The following PTPRD variants were observed in gnomAD, a reference collection of about 807,000 sequenced individuals.
PTPRD encodes the protein protein tyrosine phosphatase receptor type D, also known as receptor-type tyrosine-protein phosphatase delta.
PTPRD carries 34 observed loss-of-function variants against 214.5 expected under a neutral mutation model. The observed-to-expected ratio is 0.16, with a 90% CI of 0.12 to 0.21. The LOEUF (loss-of-function observed/expected upper bound fraction) is 0.21. PTPRD is among the 10% of genes least tolerant of loss of function. The probability of loss-of-function intolerance (pLI) is 1.00; values close to 1 mark genes in which losing one functional copy is unlikely to be tolerated. For synonymous variants in PTPRD, 1,128 were observed against 845.7 expected (o/e 1.33, Z -5.79); for missense variants, 2,545 against 2,398.7 (o/e 1.06, Z -1.27).
At chr9:8,358,964 C>A (rs1263087870) in intron 39 of PTPRD, among the ~76,000 whole-genome samples, 7 of 149,928 alleles carry the variant, frequency 4.7e-5, no homozygotes, top group Admixed American at 2.0e-4. Flanking sequence ...AAAAATTAGC[C>A]GGGCGTGGTG....
At chr9:9,656,689 G>A (rs958005217) in intron 7 of PTPRD, among the ~76,000 whole-genome samples, 5 of 152,084 alleles carry the variant, frequency 3.3e-5, no homozygotes, top group African/African-American at 1.2e-4. Flanking sequence ...ATACTATAAT[G>A]GTGGATACAT....
intron 4 of PTPRD, among the ~76,000 whole-genome samples, chr9:9,972,483 T>C (rs1322371404): frequency 6.6e-6 from 1 of 152,212 alleles, no homozygotes; most frequent in African/African-American, 2.4e-5. Context: ...TTTCATTCAC[T>C]CCCTTCATAT....
intron 9 of PTPRD, among the ~76,000 whole-genome samples, chr9:9,313,781 A>G (rs771236133): frequency 6.6e-6 from 1 of 152,182 alleles, no homozygotes; most frequent in Non-Finnish European, 1.5e-5. Context: ...ATGGTTCTTC[A>G]GCTAATCAAT....
intron 11 of PTPRD, among the ~76,000 whole-genome samples, chr9:8,980,882 G>A (rs1297196753): frequency 6.6e-6 from 1 of 152,002 alleles, no homozygotes; most frequent in Non-Finnish European, 1.5e-5. Flanking sequence ...GACCATGAAC[G>A]GATAACATAT....
chr9:9,294,590 T>C (rs1952359826), intron 9 of PTPRD, among the ~76,000 whole-genome samples: 1 of 151,692 alleles, frequency 6.6e-6, no homozygotes, highest in South Asian at 2.1e-4. Flanking sequence ...GAGCGCTCTG[T>C]GTGCTATTTC....
intron 2 of PTPRD, among the ~76,000 whole-genome samples, chr9:10,480,059 AATAAATAGGTCTCAT>A (rs1487548504): frequency 6.6e-6 from 1 of 152,216 alleles, no homozygotes; most frequent in Non-Finnish European, 1.5e-5. Context: ...AGTATACTCC[AATAAATAGGTCTCAT>A]AAGCTAATGG....
Position 9,207,835 on chromosome 9 carries a change from A to G in PTPRD, c.-202-24472T>C, listed in dbSNP as rs529190949. ...TCCATCAATGGCAGGTTGGTTGAATAAATCACGGTGCATCCATATAATAGA... is the reference window on the plus strand; with the variant it reads ...TCCATCAATGGCAGGTTGGTTGAATGAATCACGGTGCATCCATATAATAGA... On this transcript the variant is annotated intron_variant, in intron 9 of 45. Coordinates refer to ENST00000381196, the MANE Select transcript of PTPRD (RefSeq NM_002839.4). 2.0e-5 allele frequency among the ~76,000 whole-genome samples: 3 copies of G among 152,156 alleles called. No homozygotes were observed. The South Asian group carries it at 6.2e-4, about 32-fold the overall frequency.
At chr9:10,047,838 T>C (rs781014221) in intron 3 of PTPRD, among the ~76,000 whole-genome samples, 1 of 152,124 alleles carries the variant, frequency 6.6e-6, no homozygotes, top group Non-Finnish European at 1.5e-5. Context: ...CTTCTCAAAA[T>C]TGGTGCAAGT....
At chr9:9,098,911 T>C (rs1282842602) in intron 10 of PTPRD, among the ~76,000 whole-genome samples, 3 of 152,196 alleles carry the variant, frequency 2.0e-5, no homozygotes, top group Non-Finnish European at 4.4e-5. Flanking sequence ...ACAACTGTGA[T>C]ATCTCTAGAT....
chr9:10,188,259 T>C (rs1334004655), intron 3 of PTPRD, among the ~76,000 whole-genome samples: 7 of 152,174 alleles, frequency 4.6e-5, no homozygotes, highest in East Asian at 3.9e-4. Flanking sequence ...AATTGATTAA[T>C]TGGAAATTAG....
chr9:10,491,319 G>A (rs767375245), intron 2 of PTPRD, among the ~76,000 whole-genome samples: 3 of 151,952 alleles, frequency 2.0e-5, no homozygotes, highest in African/African-American at 7.2e-5. Context: ...AGGAATACAT[G>A]TTTCTAATAA....
At chr9:9,007,146 T>A (rs1366481921) in intron 11 of PTPRD, among the ~76,000 whole-genome samples, 1 of 151,992 alleles carries the variant, frequency 6.6e-6, no homozygotes, top group Non-Finnish European at 1.5e-5. Flanking sequence ...AAAGCTACAT[T>A]AAATTTCATT....
chr9:10,455,519 C>G (rs974884645), intron 2 of PTPRD, among the ~76,000 whole-genome samples: 1 of 151,718 alleles, frequency 6.6e-6, no homozygotes, highest in African/African-American at 2.4e-5. Flanking sequence ...ACACCTCAAA[C>G]TCAACATTTT....
At chr9:9,692,412 C>A (rs1212368418) in intron 7 of PTPRD, among the ~76,000 whole-genome samples, 1 of 151,918 alleles carries the variant, frequency 6.6e-6, no homozygotes, top group Non-Finnish European at 1.5e-5. Context: ...GTTCTTGGCA[C>A]CTTTGTCAAA....
chr9:8,988,906 C>T (rs921937310), intron 11 of PTPRD, among the ~76,000 whole-genome samples: 1 of 152,084 alleles, frequency 6.6e-6, no homozygotes, highest in Non-Finnish European at 1.5e-5. Flanking sequence ...AGAAAATTGG[C>T]ATGAATGAAT....
At chr9:10,360,172 C>G (rs550286288) in intron 2 of PTPRD, among the ~76,000 whole-genome samples, 1 of 152,186 alleles carries the variant, frequency 6.6e-6, no homozygotes, top group African/African-American at 2.4e-5. Flanking sequence ...AAACTAGAGG[C>G]TGGAAATTTG....
At chr9:9,971,490 A>C (rs1217546448) in intron 4 of PTPRD, among the ~76,000 whole-genome samples, 3 of 152,208 alleles carry the variant, frequency 2.0e-5, no homozygotes, top group Admixed American at 6.5e-5. Flanking sequence ...TTTTCCAGAA[A>C]GAAGTTTTTA....
chr9:8,791,870 G>C (rs571638148), intron 11 of PTPRD, among the ~76,000 whole-genome samples: 2 of 152,024 alleles, frequency 1.3e-5, no homozygotes, highest in Non-Finnish European at 2.9e-5. Context: ...ATCAAAATGC[G>C]GGAAAACAAT....
intron 5 of PTPRD, among the ~76,000 whole-genome samples, chr9:9,806,221 T>TTA (rs1264621025): frequency 6.6e-6 from 1 of 151,914 alleles, no homozygotes; most frequent in Non-Finnish European, 1.5e-5. Flanking sequence ...CAGAAGATGG[T>TTA]CAGGCCGTTA....
Sources: gnomAD v4.1 joint callset for allele counts (sites outside exome capture counted in the v4.1 genomes callset) on GRCh38, gnomAD v4.1.1 for gene constraint, MANE v1.5 for transcripts, NCBI Gene and HGNC (gene_info 2026-07-23, HGNC 2026-07-21) for gene names.